Variants in RTN2 observed in about 807,000 individuals in gnomAD.
The protein encoded by RTN2 is reticulon 2, also known as reticulon-2.
Under a neutral mutation model 63.7 loss-of-function variants are expected in RTN2, and 36 were observed. The ratio of observed to expected loss-of-function variants is 0.56; its 90% CI spans 0.43 to 0.75. RTN2 has a LOEUF of 0.75. RTN2 is among the 30% of genes least tolerant of loss of function. The pLI is 0.00. For missense variants in RTN2, 673 were observed against 705.1 expected, an observed-to-expected ratio of 0.95 and a Z score of 0.52; for synonymous variants, 312 against 313.0, an observed-to-expected ratio of 1.00 and a Z score of 0.03.
Position 45,494,037 on chromosome 19 carries a change from G to C in RTN2, c.814+129C>G, listed in dbSNP as rs1015869553. 6 of 1,381,502 alleles carry C rather than the reference G, an allele frequency of 4.3e-6. No individual in the cohort carries two copies. The highest frequency in any genetic ancestry group is 4.6e-5 in the East Asian group (2 of 43,496). 85.6% of individuals were successfully genotyped at this position (1,381,502 alleles called of 1,614,324 possible). On this transcript the variant is annotated intron_variant, in intron 4 of 10. Transcript: ENST00000245923. This position sits in a 1 kb window ranked among gnomAD's most constrained non-coding sequence, Gnocchi z 5.3. Reference sequence around the variant, plus strand: ...GAGTTTATCACGTCTAGCCAGATGTGATATCACGTCTATCTCTTCCCTTTT... The same window carrying C: ...GAGTTTATCACGTCTAGCCAGATGTCATATCACGTCTATCTCTTCCCTTTT...
At chr19:45,491,282 A>G (rs985225094) in intron 5 of RTN2, among the ~76,000 whole-genome samples, 13 of 144,424 alleles carry the variant, frequency 9.0e-5, no homozygotes, top group African/African-American at 2.9e-4. Flanking sequence ...TACAGCCTCT[A>G]CCTCCCAGAG....
intron 5 of RTN2, among the ~76,000 whole-genome samples, chr19:45,490,254 C>T (rs996656580): frequency 6.6e-6 from 1 of 152,116 alleles, no homozygotes; most frequent in Non-Finnish European, 1.5e-5. Flanking sequence ...CCCGCCTTGG[C>T]CTCCCAAAGT....
At position 45,494,078 on chromosome 19, in the gene RTN2, C is replaced by T; in HGVS notation, c.814+88G>A. The T allele has an allele frequency of 6.5e-7, 1 of 1,536,202 alleles. No homozygotes were observed. Among genetic ancestry groups the T allele is most frequent in the South Asian group, 1.2e-5 (1 of 82,494 alleles). On this transcript the variant is annotated intron_variant, in intron 4 of 10. Transcript: ENST00000245923. This position sits in a 1 kb window ranked among gnomAD's most constrained non-coding sequence, Gnocchi z 5.3. ...CTTCCCTTTTCCACTATGTACTGTT[C>T]CTTTGCGAGGTTGGTCCCTTTAATT... is the stretch of plus-strand genomic sequence containing the variant.
At chr19:45,486,241 G>A (rs1021680677) in intron 9 of RTN2, 128 bp from the exon 10 acceptor site, 22 of 733,452 alleles carry the variant, frequency 3.0e-5, no homozygotes, top group Middle Eastern at 3.0e-4. Context: ...CGCCACCCCC[G>A]GCTCTAAACT....
rs1037969877 is a variant in RTN2, at chr19:45,488,484, T to C, written c.1484A>G (p.Tyr495Cys). 3.1e-6 allele frequency: 5 copies of C among 1,613,850 alleles called. No individual in the cohort carries two copies. In the South Asian group the frequency reaches 3.3e-5, roughly 11 times the overall value. ...VIGLFTIPLL[Y>C]RQHQAQIDQY... Reference sequence around the variant, plus strand: ...TGTCACACTCACCTGGTGCTGCCGGTACAGCAGGGGGATGGTGAATAGACC... The same window carrying C: ...TGTCACACTCACCTGGTGCTGCCGGCACAGCAGGGGGATGGTGAATAGACC... Residue 495 changes from tyrosine (Y) to cysteine (C), a missense_variant, in exon 9 of 11, where the codon TAC (tyrosine) becomes TGC (cysteine). Physicochemically the swap from Tyr to Cys is radical, Grantham distance 194. Coordinates refer to ENST00000245923, the MANE Select transcript of RTN2 (RefSeq NM_005619.5).
intron 1 of RTN2, 85 bp from the exon 2 acceptor site, chr19:45,495,224 T>G: frequency 6.6e-7 from 1 of 1,503,834 alleles, no homozygotes. Flanking sequence ...TCTTAGAATA[T>G]TTGAATCACG....
Position 45,485,388 on chromosome 19 carries a change from G to T in RTN2, c.*320C>A, listed in dbSNP as rs1053899308. 1 of 387,226 alleles carries T rather than the reference G, an allele frequency of 2.6e-6. No individual in the cohort carries two copies. Among genetic ancestry groups the T allele is most frequent in the African/African-American group, 2.0e-5 (1 of 49,642 alleles). The allele number at this position is 387,226 out of a possible 1,614,324, so 24.0% of individuals were successfully genotyped here. ...CGGCGTTGGGGCTAGTAGCATCCAG[G>T]AGACACCAACGCCTCACGGCGCCTC... is the stretch of plus-strand genomic sequence containing the variant. On this transcript the variant is annotated 3_prime_UTR_variant, in exon 11 of 11. Coordinates refer to ENST00000245923, the MANE Select transcript of RTN2 (RefSeq NM_005619.5).
chr19:45,494,052 T>G lies in RTN2; in HGVS notation c.814+114A>C. 6.9e-7 allele frequency: 1 copy of G among 1,445,502 alleles called. No individual in the cohort carries two copies. Among genetic ancestry groups the G allele is most frequent in the Non-Finnish European group, 9.3e-7 (1 of 1,075,120 alleles). The allele number at this position is 1,445,502 out of a possible 1,614,324, so 89.5% of individuals were successfully genotyped here. On this transcript the variant is annotated intron_variant, in intron 4 of 10. Transcript: ENST00000245923. The surrounding 1 kb of genome is among the most constrained non-coding windows in gnomAD (Gnocchi z 5.3). ...AGCCAGATGTGATATCACGTCTATC[T>G]CTTCCCTTTTCCACTATGTACTGTT... is the stretch of plus-strand genomic sequence containing the variant.
Position 45,494,086 on chromosome 19 carries a change from AG to A in RTN2, c.814+79del. The stretch of plus-strand genomic sequence containing the variant: ...TTCCACTATGTACTGTTCCTTTGCG[AG>A]GTTGGTCCCTTTAATTCAAAATCCT... On this transcript the variant is annotated intron_variant, in intron 4 of 10. Coordinates refer to ENST00000245923, the MANE Select transcript of RTN2 (RefSeq NM_005619.5). This position sits in a 1 kb window ranked among gnomAD's most constrained non-coding sequence, Gnocchi z 5.3. The A allele has an allele frequency of 6.4e-7, 1 of 1,553,414 alleles. No individual in the cohort carries two copies. Among genetic ancestry groups the A allele is most frequent in the South Asian group, 1.2e-5 (1 of 84,456 alleles).
In RTN2 at chr19:45,493,041, C is replaced by T. The variant is rs1167301793; in HGVS notation, c.1033+119G>A. The T allele has an allele frequency of 3.8e-6, 4 of 1,051,400 alleles. No homozygotes were observed. In the East Asian group the frequency reaches 7.1e-5, roughly 19 times the overall value. 65.1% of individuals were successfully genotyped at this position (1,051,400 alleles called of 1,614,324 possible). ...TGCCCCTCGGCCCCCTAGCCCCAGCCTGCAGCGCTGCGGAAGCAGATCAGT... is the reference window on the plus strand; with the variant it reads ...TGCCCCTCGGCCCCCTAGCCCCAGCTTGCAGCGCTGCGGAAGCAGATCAGT... On this transcript the variant is annotated intron_variant, in intron 5 of 10. Coordinates refer to ENST00000245923, the MANE Select transcript of RTN2 (RefSeq NM_005619.5).
rs1208068483 is a variant in RTN2, at chr19:45,485,376, AG to A, written c.*331del. 3.1e-6 allele frequency: 1 copy of A among 325,654 alleles called. No homozygotes were observed. Among genetic ancestry groups the A allele is most frequent in the East Asian group, 5.8e-5 (1 of 17,316 alleles). The allele number at this position is 325,654 out of a possible 1,614,324, so 20.2% of individuals were successfully genotyped here. A position where few individuals can be genotyped will look rare whatever the true frequency, so the allele number is the denominator to read the frequency against. ...CATGCAAAGCCCCGGCGTTGGGGCT[AG>A]TAGCATCCAGGAGACACCAACGCCT... On this transcript the variant is annotated 3_prime_UTR_variant, in exon 11 of 11. Transcript: ENST00000245923.
At chr19:45,491,510 G>C (rs747616495) in intron 5 of RTN2, among the ~76,000 whole-genome samples, 1 of 150,264 alleles carries the variant, frequency 6.7e-6, no homozygotes, top group Non-Finnish European at 1.5e-5. Flanking sequence ...ACAGGCATGA[G>C]CTGCCATGCC....
Position 45,488,740 on chromosome 19 carries a change from CG to C in RTN2, c.1381-35del, listed in dbSNP as rs754266556. On this transcript the variant is annotated intron_variant, in intron 7 of 10. Transcript: ENST00000245923. ...GAAGGTCAGGGTCAGCAGAGCCCAC[CG>C]GGAATTCCCTCTCATGCTGTGAATT... The C allele has an allele frequency of 5.0e-6, 8 of 1,608,120 alleles. No homozygotes were observed. In the African/African-American group the frequency reaches 1.1e-4, roughly 21 times the overall value.
Position 45,492,784 on chromosome 19 carries a change from T to C in RTN2, c.1033+376A>G, listed in dbSNP as rs560654957. On this transcript the variant is annotated intron_variant, in intron 5 of 10. Coordinates refer to ENST00000245923, the MANE Select transcript of RTN2 (RefSeq NM_005619.5). ...AGCAGGGCCCTCCCAGGCAGGCTCC[T>C]AGTGGCCGGCGCCGGTGGATGGGGG... Among the ~76,000 whole-genome samples, 257 of 152,214 alleles carry C rather than the reference T, an allele frequency of 1.7e-3. 2 individuals are homozygous for C. The highest frequency in any genetic ancestry group is 5.5e-3 in the African/African-American group (229 of 41,550).
In RTN2 at chr19:45,496,926, T is replaced by C; in HGVS notation, c.-101A>G. 1 of 634,184 alleles carries C rather than the reference T, an allele frequency of 1.6e-6. No homozygotes were observed. Among genetic ancestry groups the C allele is most frequent in the Non-Finnish European group, 2.3e-6 (1 of 430,040 alleles). The allele number at this position is 634,184 out of a possible 1,614,324, so 39.3% of individuals were successfully genotyped here. On this transcript the variant is annotated 5_prime_UTR_variant, in exon 1 of 11. Transcript: ENST00000245923. ...ATCTCCGCCGCGCCCACGACGCCGC[T>C]GCCATTCTCGCCGCCTCCTCCTCCC... is the stretch of plus-strand genomic sequence containing the variant.
chr19:45,487,588 T>G (rs1445551149), intron 9 of RTN2, among the ~76,000 whole-genome samples: 1 of 143,288 alleles, frequency 7.0e-6, no homozygotes, highest in Admixed American at 6.8e-5. Flanking sequence ...TTTTGGTTTT[T>G]TTTTTTTTTT....
At chr19:45,491,680 C>CG (rs1968164854) in intron 5 of RTN2, among the ~76,000 whole-genome samples, 1 of 151,966 alleles carries the variant, frequency 6.6e-6, no homozygotes, top group African/African-American at 2.4e-5. Flanking sequence ...TACAGGCGCC[C>CG]GTCACCATGC....
At chr19:45,489,313 C>A in intron 6 of RTN2, 33 bp downstream of exon 6, 2 of 1,542,184 alleles carry the variant, frequency 1.3e-6, no homozygotes, top group South Asian at 2.4e-5. Context: ...AGGGTCAGGA[C>A]AGGGGCTCAG....
chr19:45,489,163 G>A (rs1968095793), intron 6 of RTN2, 177 bp from the exon 7 acceptor site: 1 of 871,762 alleles, frequency 1.1e-6, no homozygotes, highest in Non-Finnish European at 1.8e-6. Flanking sequence ...CAGGGGAAGG[G>A]ATCGAGGATG....
Sources: allele counts gnomAD v4.1 joint callset (sites outside exome capture counted in the v4.1 genomes callset), GRCh38; gene constraint gnomAD v4.1.1; non-coding constraint Gnocchi (gnomAD v3.1); transcripts MANE v1.5; gene names NCBI Gene and HGNC (gene_info 2026-07-23, HGNC 2026-07-21).